Variants in DIMT1 observed in about 807,000 individuals in gnomAD.
DIMT1 encodes the protein DIM1 rRNA methyltransferase and ribosome maturation factor.
DIMT1 carries 36 observed loss-of-function variants against 43.2 expected under a neutral mutation model. The observed-to-expected ratio is 0.83, with a 90% CI of 0.64 to 1.10. The LOEUF (loss-of-function observed/expected upper bound fraction) is 1.10. Ranked by LOEUF, DIMT1 falls within the 50% of genes least tolerant of loss-of-function variation. The pLI, the probability that DIMT1 is intolerant of heterozygous loss-of-function variation, is 0.00. For missense variants in DIMT1, 341 were observed against 385.3 expected, an observed-to-expected ratio of 0.88 and a Z score of 0.96; for synonymous variants, 126 against 130.3, an observed-to-expected ratio of 0.97 and a Z score of 0.22.
intron 2 of DIMT1, 146 bp downstream of exon 2, chr5:62,403,127 C>T: frequency 1.4e-6 from 1 of 698,720 alleles, no homozygotes; most frequent in Non-Finnish European, 2.4e-6. Context: ...AGAAGACAGC[C>T]CAAGAATCCT....
intron 10 of DIMT1, 22 bp downstream of exon 10, chr5:62,392,149 G>C (rs1483770295): frequency 6.2e-7 from 1 of 1,608,544 alleles, no homozygotes; most frequent in African/African-American, 1.3e-5. Context: ...CAATGAAACT[G>C]CAGGAACATT....
At chr5:62,399,024 C>A in intron 3 of DIMT1, 143 bp from the exon 4 acceptor site, 1 of 728,522 alleles carries the variant, frequency 1.4e-6, no homozygotes, top group Non-Finnish European at 2.2e-6. Flanking sequence ...ATTATACTCG[C>A]ATACTTCAAA....
Position 62,392,329 on chromosome 5 carries a change from T to TTA in DIMT1, c.729-97_729-96dup, listed in dbSNP as rs1742338881. 3 of 904,776 alleles carry TTA rather than the reference T, an allele frequency of 3.3e-6. No homozygotes were observed. In the Admixed American group the frequency reaches 7.0e-5, roughly 21 times the overall value. 56.0% of individuals were successfully genotyped at this position (904,776 alleles called of 1,614,324 possible). A position where few individuals can be genotyped will look rare whatever the true frequency, so the allele number is the denominator to read the frequency against. On this transcript the variant is annotated intron_variant, in intron 9 of 11. Coordinates refer to ENST00000199320, the MANE Select transcript of DIMT1 (RefSeq NM_014473.4). Reference sequence around the variant, plus strand: ...TTTTTTTAACTAATACATAAGCCATTTAAGCAATAATTTCATTTTAGATGA... The same window carrying TTA: ...TTTTTTTAACTAATACATAAGCCATTTATAAGCAATAATTTCATTTTAGATGA...
At chr5:62,391,157 C>G in intron 10 of DIMT1, 175 bp from the exon 11 acceptor site, 1 of 546,772 alleles carries the variant, frequency 1.8e-6, no homozygotes, top group Non-Finnish European at 3.2e-6. Flanking sequence ...AGTGGCTGAT[C>G]TTTATTAACA....
At chr5:62,389,831 T>A (rs1174005827) in intron 11 of DIMT1, among the ~76,000 whole-genome samples, 1 of 152,180 alleles carries the variant, frequency 6.6e-6, no homozygotes, top group African/African-American at 2.4e-5. Context: ...AAACTGCACA[T>A]GCCCAATAAC....
At chr5:62,391,238 G>T (rs1238866566) in intron 10 of DIMT1, 1 of 356,610 alleles carries the variant, frequency 2.8e-6, no homozygotes, top group Non-Finnish European at 5.0e-6. Flanking sequence ...TTCTGAAATA[G>T]TTATTAGTTT....
intron 6 of DIMT1, among the ~76,000 whole-genome samples, chr5:62,398,081 A>G (rs1742563249): frequency 2.0e-5 from 3 of 152,118 alleles, no homozygotes; most frequent in South Asian, 4.1e-4. Flanking sequence ...TATCCTTCTC[A>G]GTGCCTCACA....
At chr5:62,399,147 T>A (rs900851868) in intron 3 of DIMT1, among the ~76,000 whole-genome samples, 2 of 152,012 alleles carry the variant, frequency 1.3e-5, no homozygotes, top group Non-Finnish European at 2.9e-5. Context: ...CTGGCCAACA[T>A]GGTGAAACCC....
intron 1 of DIMT1, 83 bp from the exon 2 acceptor site, chr5:62,403,429 T>A: frequency 7.4e-7 from 1 of 1,349,644 alleles, no homozygotes; most frequent in Non-Finnish European, 1.1e-6. Context: ...TGCATGGGTA[T>A]GGGGAAGATT....
Position 62,391,967 on chromosome 5 carries a change from T to C in DIMT1, c.792+204A>G, listed in dbSNP as rs920153671. 2.0e-5 allele frequency: 31 copies of C among 1,538,228 alleles called. No individual in the cohort carries two copies. The African/African-American group carries it at 4.0e-4, about 20-fold the overall frequency. ...AGAGGACAGGGTGGAGTAATCAAAG[T>C]TGCTCATATCTGTTTCACAGGATAC... On this transcript the variant is annotated intron_variant, in intron 10 of 11. Coordinates refer to ENST00000199320, the MANE Select transcript of DIMT1 (RefSeq NM_014473.4).
At chr5:62,389,642 A>T (rs1012646355) in intron 11 of DIMT1, among the ~76,000 whole-genome samples, 1 of 152,146 alleles carries the variant, frequency 6.6e-6, no homozygotes, top group African/African-American at 2.4e-5. Flanking sequence ...AGGCCTAAGA[A>T]CTCACTGGCA....
At chr5:62,389,286 G>A (rs761852834) in intron 11 of DIMT1, among the ~76,000 whole-genome samples, 6 of 151,996 alleles carry the variant, frequency 3.9e-5, no homozygotes, top group Non-Finnish European at 5.9e-5. Flanking sequence ...AGTAGTTCGA[G>A]AACAGTCTGG....
chr5:62,391,299 A>G (rs1742297778), intron 10 of DIMT1: 2 of 227,360 alleles, frequency 8.8e-6, no homozygotes, highest in South Asian at 2.0e-4. Context: ...AGCAATTGTT[A>G]CTCCTTTCAA....
At chr5:62,399,054 G>A (rs961085701) in intron 3 of DIMT1, among the ~76,000 whole-genome samples, 173 bp from the exon 4 acceptor site, 4 of 152,116 alleles carry the variant, frequency 2.6e-5, no homozygotes, top group Non-Finnish European at 5.9e-5. Context: ...AAAATGGGCC[G>A]GGTGCAGTGG....
At chr5:62,397,121 TTTA>T (rs554904243) in intron 6 of DIMT1, among the ~76,000 whole-genome samples, 80 of 152,218 alleles carry the variant, frequency 5.3e-4, no homozygotes, top group African/African-American at 1.9e-3. Context: ...AGCTAATTTT[TTTA>T]TTTTTAGTAG....
At position 62,403,839 on chromosome 5, in the gene DIMT1, G is replaced by T; in HGVS notation, c.-67C>A. On this transcript the variant is annotated 5_prime_UTR_variant, in exon 1 of 12. Coordinates refer to ENST00000199320, the MANE Select transcript of DIMT1 (RefSeq NM_014473.4). ...GACCAAAGAGGGCTAGCGTGAGAAAGCCACCACGTGGGGATCGCCGCCACG... is the reference window on the plus strand; with the variant it reads ...GACCAAAGAGGGCTAGCGTGAGAAATCCACCACGTGGGGATCGCCGCCACG... The T allele has an allele frequency of 6.5e-7, 1 of 1,530,252 alleles. No homozygotes were observed. The highest frequency in any genetic ancestry group is 8.9e-7 in the Non-Finnish European group (1 of 1,125,596). The allele number at this position is 1,530,252 out of a possible 1,614,324, so 94.8% of individuals were successfully genotyped here. A position where few individuals can be genotyped will look rare whatever the true frequency, so the allele number is the denominator to read the frequency against.
chr5:62,400,625 C>T (rs1436773235), intron 3 of DIMT1, among the ~76,000 whole-genome samples: 2 of 152,062 alleles, frequency 1.3e-5, no homozygotes, highest in African/African-American at 2.4e-5. Flanking sequence ...TTTAAGCAAT[C>T]TTCCTGCCTC....
chr5:62,402,100 A>T lies in DIMT1; in HGVS notation c.176T>A (p.Val59Glu). Residue 59 changes from valine (V) to glutamate (E), a missense_variant, in exon 3 of 12, where the codon GTA becomes GAA. Coordinates refer to ENST00000199320, the MANE Select transcript of DIMT1 (RefSeq NM_014473.4). ...IDKAALRPTD[V>E]VLEVGPGTGN... Reference sequence around the variant, plus strand: ...AGTTCCAGGTCCAACTTCCAGCACTACATCAGTTGGTCTTAAGGCAGCCTA... The same window carrying T: ...AGTTCCAGGTCCAACTTCCAGCACTTCATCAGTTGGTCTTAAGGCAGCCTA... 6.2e-7 allele frequency: 1 copy of T among 1,613,992 alleles called. No individual in the cohort carries two copies. Among genetic ancestry groups the T allele is most frequent in the Non-Finnish European group, 8.5e-7 (1 of 1,179,952 alleles).
rs955070782 is a variant in DIMT1, at chr5:62,403,565, C to T, written c.79+129G>A. On this transcript the variant is annotated intron_variant, in intron 1 of 11. Transcript: ENST00000199320. ...CTGCGGCCGAGTCGGGGACCCACCC[C>T]TGCCTTCCGCGCTCACGGGAGCGCG... 4.2e-6 allele frequency: 5 copies of T among 1,181,258 alleles called. No homozygotes were observed. The South Asian group carries it at 5.6e-5, about 13-fold the overall frequency. The allele number at this position is 1,181,258 out of a possible 1,614,324, so 73.2% of individuals were successfully genotyped here.
Sources: allele counts gnomAD v4.1 joint callset (sites outside exome capture counted in the v4.1 genomes callset), GRCh38; gene constraint gnomAD v4.1.1; transcripts MANE v1.5; gene names NCBI Gene and HGNC (gene_info 2026-07-23, HGNC 2026-07-21).